The following SEMA3C variants were observed in gnomAD, a reference collection of about 807,000 sequenced individuals.
The protein encoded by SEMA3C is semaphorin-3C.
In SEMA3C, 47 loss-of-function variants were observed where a neutral mutation model predicts 89.4. The ratio of observed to expected loss-of-function variants is 0.53; its 90% CI spans 0.42 to 0.67. SEMA3C has a LOEUF of 0.67. Among genes scored for constraint, SEMA3C ranks in the 30% least tolerant of loss-of-function variants. The pLI is 0.00. For synonymous variants in SEMA3C, 310 were observed against 320.2 expected, an observed-to-expected ratio of 0.97 and a Z score of 0.34; for missense variants, 839 against 929.1, an observed-to-expected ratio of 0.90 and a Z score of 1.26.
At chr7:80,840,095 C>T (rs1431786788) in intron 2 of SEMA3C, among the ~76,000 whole-genome samples, 2 of 152,096 alleles carry the variant, frequency 1.3e-5, no homozygotes, top group Non-Finnish European at 2.9e-5. Flanking sequence ...CTCTATAACA[C>T]AATGCTTGTG....
intron 2 of SEMA3C, among the ~76,000 whole-genome samples, chr7:80,891,616 T>C (rs1791616260): frequency 6.6e-6 from 1 of 152,034 alleles, no homozygotes; most frequent in South Asian, 2.1e-4. Flanking sequence ...ATGGGAAATA[T>C]CAATTAATTA....
chr7:80,880,326 T>G lies in SEMA3C; in HGVS notation c.103+36353A>C, dbSNP rs547562445. On this transcript the variant is annotated intron_variant, in intron 2 of 17. Coordinates refer to ENST00000265361, the MANE Select transcript of SEMA3C (RefSeq NM_006379.5). Reference sequence around the variant, plus strand: ...ATTTATTCATCATGTTTAGTGTTTTTTATCTGTCTCCTTCCACAAGAATAT... The same window carrying G: ...ATTTATTCATCATGTTTAGTGTTTTGTATCTGTCTCCTTCCACAAGAATAT... Among the ~76,000 whole-genome samples the G allele has an allele frequency of 2.0e-5, 3 of 152,334 alleles. No homozygotes were observed. The South Asian group carries it at 6.2e-4, about 32-fold the overall frequency.
chr7:80,825,301 A>G (rs1258694737), intron 4 of SEMA3C, among the ~76,000 whole-genome samples: 6 of 152,078 alleles, frequency 3.9e-5, no homozygotes, highest in Non-Finnish European at 5.9e-5. Flanking sequence ...TTTGATTAGT[A>G]TTTCCCAGCA....
intron 2 of SEMA3C, among the ~76,000 whole-genome samples, chr7:80,893,631 A>C (rs1214685227): frequency 6.6e-6 from 1 of 152,158 alleles, no homozygotes; most frequent in African/African-American, 2.4e-5. Context: ...GTGCTCAAGA[A>C]GAATTTTAAA....
chr7:80,807,855 G>A (rs1317593547), intron 6 of SEMA3C, among the ~76,000 whole-genome samples: 1 of 152,140 alleles, frequency 6.6e-6, no homozygotes, highest in Non-Finnish European at 1.5e-5. Context: ...ACATGGTTAA[G>A]GGAGATGACC....
chr7:80,755,545 A>G (rs530030334), intron 15 of SEMA3C, among the ~76,000 whole-genome samples: 99 of 151,738 alleles, frequency 6.5e-4, no homozygotes, highest in African/African-American at 2.2e-3. Flanking sequence ...AACTATGGTA[A>G]AAGTCCATTT....
intron 2 of SEMA3C, among the ~76,000 whole-genome samples, chr7:80,867,355 C>T (rs1460709671): frequency 6.6e-6 from 1 of 152,146 alleles, no homozygotes; most frequent in East Asian, 1.9e-4. Flanking sequence ...CCTACCACAG[C>T]TTCCTAAAGT....
At chr7:80,814,215 A>G (rs1789544604) in intron 5 of SEMA3C, among the ~76,000 whole-genome samples, 1 of 151,632 alleles carries the variant, frequency 6.6e-6, no homozygotes, top group African/African-American at 2.4e-5. Context: ...CAGCCTCCCA[A>G]GTAGCTGGGA....
intron 17 of SEMA3C, among the ~76,000 whole-genome samples, chr7:80,747,000 TTTA>T (rs1787817805): frequency 7.8e-6 from 1 of 128,022 alleles, no homozygotes; most frequent in Non-Finnish European, 1.7e-5. Flanking sequence ...ATGATTAATG[TTTA>T]CACAGTAGTA....
At chr7:80,845,152 T>C (rs1275399500) in intron 2 of SEMA3C, among the ~76,000 whole-genome samples, 1 of 152,046 alleles carries the variant, frequency 6.6e-6, no homozygotes, top group Non-Finnish European at 1.5e-5. Context: ...TTACTCAATC[T>C]AAGAAAAGTT....
intron 2 of SEMA3C, 133 bp downstream of exon 2, chr7:80,916,546 C>T: frequency 1.4e-6 from 1 of 735,358 alleles, no homozygotes; most frequent in Non-Finnish European, 2.0e-6. Flanking sequence ...TATTGTCCTC[C>T]AAAACGCAGC....
chr7:80,841,619 T>A (rs79104633), intron 2 of SEMA3C, among the ~76,000 whole-genome samples: 1,796 of 152,252 alleles, frequency 0.012, 29 homozygotes, highest in African/African-American at 0.04. Flanking sequence ...TCCTTCAGAA[T>A]GATGGAGGAC....
At chr7:80,893,894 AAAC>A (rs146202149) in intron 2 of SEMA3C, among the ~76,000 whole-genome samples, 1,612 of 152,290 alleles carry the variant, frequency 0.011, 25 homozygotes, top group African/African-American at 0.036. Flanking sequence ...TTTAAAATGT[AAAC>A]AACGTTACAA....
chr7:80,749,127 A>G, intron 16 of SEMA3C, 99 bp from the exon 17 acceptor site: 1 of 1,252,554 alleles, frequency 8.0e-7, no homozygotes, highest in Non-Finnish European at 1.1e-6. Context: ...TTATTTTTAT[A>G]CAAAATTGTG....
rs142027038 is a variant in SEMA3C at position 80,885,834 on chromosome 7, A to G, written c.103+30845T>C. 4.4e-3 allele frequency among the ~76,000 whole-genome samples: 669 copies of G among 152,310 alleles called. 5 individuals are homozygous for G. Among genetic ancestry groups the G allele is most frequent in the African/African-American group, 0.016 (645 of 41,564 alleles). On this transcript the variant is annotated intron_variant, in intron 2 of 17. Transcript: ENST00000265361. The stretch of plus-strand genomic sequence containing the variant: ...CATTCCACCGCTCCAAAAATACTGC[A>G]TGTACATATTTGCAACCTCTGCTGC...
intron 2 of SEMA3C, among the ~76,000 whole-genome samples, chr7:80,852,157 C>T (rs936181067): frequency 1.3e-5 from 2 of 152,174 alleles, no homozygotes; most frequent in Non-Finnish European, 2.9e-5. Flanking sequence ...TGGTTGGAAG[C>T]AGACGAACCC....
intron 12 of SEMA3C, among the ~76,000 whole-genome samples, chr7:80,770,195 T>C (rs10261267): frequency 0.36 from 54,667 of 152,056 alleles, 13,182 homozygotes; most frequent in African/African-American, 0.69. Context: ...GTTTTCTGAG[T>C]AGTAAGTGTG....
At chr7:80,900,878 G>A (rs971030803) in intron 2 of SEMA3C, among the ~76,000 whole-genome samples, 1 of 152,198 alleles carries the variant, frequency 6.6e-6, no homozygotes, top group African/African-American at 2.4e-5. Context: ...ATAACAAAGA[G>A]AAAAGAATGA....
At chr7:80,797,946 T>G in intron 11 of SEMA3C, 146 bp downstream of exon 11, 2 of 694,894 alleles carry the variant, frequency 2.9e-6, no homozygotes, top group Non-Finnish European at 4.5e-6. Context: ...TGAGGTGAGC[T>G]GAGATTGCAC....
Sources: gnomAD v4.1 joint callset for allele counts (sites outside exome capture counted in the v4.1 genomes callset) on GRCh38, gnomAD v4.1.1 for gene constraint, MANE v1.5 for transcripts, NCBI Gene and HGNC (gene_info 2026-07-23, HGNC 2026-07-21) for gene names.